The following HGF variants were observed in gnomAD, a reference collection of about 807,000 sequenced individuals.
The protein encoded by HGF is fibroblast-derived tumor cytotoxic factor.
A neutral mutation model predicts 111.6 loss-of-function variants in HGF; 39 were observed. That is an observed-to-expected ratio of 0.35 (90% CI 0.27 to 0.46). The LOEUF is 0.46. HGF is among the 20% of genes least tolerant of loss of function. The pLI is 1.00. For synonymous variants in HGF, 285 were observed against 294.8 expected (o/e 0.97, Z 0.34); for missense variants, 735 against 910.5 (o/e 0.81, Z 2.48).
chr7:81,755,412 T>C (rs535155675), intron 4 of HGF: 1 of 152,212 alleles, frequency 6.6e-6, no homozygotes, highest in African/African-American at 2.4e-5. Flanking sequence ...CAAAAAGGGA[T>C]TTTATTAATA....
intron 1 of HGF, among the ~76,000 whole-genome samples, chr7:81,764,859 C>T (rs1312308335): frequency 5.9e-5 from 9 of 151,724 alleles, no homozygotes; most frequent in African/African-American, 2.2e-4. Context: ...TTCCTTTGAC[C>T]TTATTACACT....
rs191824466 is a variant in HGF, at chr7:81,723,356, G to A, written c.1169-2509C>T. On this transcript the variant is annotated intron_variant, in intron 9 of 17. Coordinates refer to ENST00000222390, the MANE Select transcript of HGF (RefSeq NM_000601.6). ...TTAAATATTCAAAAACTAATATCCA[G>A]AAAGATGAAAATAAAGACAGAAATA... Among the ~76,000 whole-genome samples the A allele has an allele frequency of 2.6e-5, 4 of 151,998 alleles. No homozygotes were observed. In the East Asian group the frequency reaches 7.7e-4, roughly 29 times the overall value.
intron 5 of HGF, among the ~76,000 whole-genome samples, chr7:81,750,211 CT>C (rs1202254139): frequency 6.6e-6 from 1 of 151,996 alleles, no homozygotes; most frequent in Non-Finnish European, 1.5e-5. Context: ...TATTTTGGAT[CT>C]TTTTCATTAA....
intron 11 of HGF, among the ~76,000 whole-genome samples, chr7:81,712,729 T>C (rs893493529): frequency 6.6e-6 from 1 of 152,208 alleles, no homozygotes; most frequent in African/African-American, 2.4e-5. Flanking sequence ...TGTCAATCCC[T>C]GGAAATGCCC....
intron 12 of HGF, 77 bp downstream of exon 12, chr7:81,711,404 C>T: frequency 1.4e-6 from 1 of 732,942 alleles, no homozygotes; most frequent in South Asian, 2.2e-5. Context: ...AGATAATTTT[C>T]TTTGAAAGAA....
chr7:81,734,261 C>A (rs2115956360), intron 7 of HGF, among the ~76,000 whole-genome samples: 1 of 152,224 alleles, frequency 6.6e-6, no homozygotes, highest in Admixed American at 6.5e-5. Context: ...GGGGTATCAG[C>A]AGTGGCTACC....
chr7:81,743,597 G>GTT, intron 6 of HGF, 126 bp from the exon 7 acceptor site: 1 of 762,272 alleles, frequency 1.3e-6, no homozygotes. Flanking sequence ...CGTTTTCTAT[G>GTT]TTTTGCCTTA....
chr7:81,725,784 A>G (rs1054553161), intron 9 of HGF, 106 bp downstream of exon 9: 10 of 1,304,548 alleles, frequency 7.7e-6, no homozygotes, highest in Non-Finnish European at 1.1e-5. Context: ...GCAAGCCAGC[A>G]AAACCAGTGC....
chr7:81,716,309 A>C (rs923199898), intron 11 of HGF, among the ~76,000 whole-genome samples: 2 of 152,164 alleles, frequency 1.3e-5, no homozygotes, highest in Admixed American at 1.3e-4. Context: ...ATCCTGATCT[A>C]TGTCAACATT....
chr7:81,719,682 G>C (rs990042651), intron 10 of HGF, among the ~76,000 whole-genome samples: 1 of 152,098 alleles, frequency 6.6e-6, no homozygotes, highest in Admixed American at 6.6e-5. Context: ...GAATTTAACA[G>C]AACATATGTC....
intron 7 of HGF, among the ~76,000 whole-genome samples, chr7:81,736,108 G>A (rs1216513215): frequency 1.3e-5 from 2 of 152,044 alleles, no homozygotes; most frequent in African/African-American, 4.8e-5. Context: ...ATCTACCCAC[G>A]TCTCACTTCT....
At chr7:81,738,856 T>C (rs1231825466) in intron 7 of HGF, among the ~76,000 whole-genome samples, 4 of 152,148 alleles carry the variant, frequency 2.6e-5, no homozygotes, top group Non-Finnish European at 5.9e-5. Context: ...TGACATATAA[T>C]AGCTGCTCAG....
At chr7:81,728,256 A>C (rs1382443136) in intron 8 of HGF, among the ~76,000 whole-genome samples, 1 of 152,378 alleles carries the variant, frequency 6.6e-6, no homozygotes, top group African/African-American at 2.4e-5. Context: ...AACAAAATTA[A>C]GAAAAGATGG....
In HGF at chr7:81,702,625, A is replaced by T; in HGVS notation, c.2143T>A (p.Trp715Arg). 1 of 1,611,414 alleles carries T rather than the reference A, an allele frequency of 6.2e-7. No homozygotes were observed. Among genetic ancestry groups the T allele is most frequent in the Non-Finnish European group, 8.5e-7 (1 of 1,178,192 alleles). Residue 715 changes from tryptophan (W) to arginine (R), a missense_variant, in exon 18 of 18, where the codon TGG (tryptophan) becomes AGG (arginine). Coordinates refer to ENST00000222390, the MANE Select transcript of HGF (RefSeq NM_000601.6). ...IFVRVAYYAK[W>R]IHKIILTYKV... Reference sequence around the variant, plus strand: ...TATGTTAAAATAATTTTGTGTATCCATTTTGCATAATATGCTACTCGGACA... The same window carrying T: ...TATGTTAAAATAATTTTGTGTATCCTTTTTGCATAATATGCTACTCGGACA...
chr7:81,761,247 G>C (rs1789061335), intron 2 of HGF, among the ~76,000 whole-genome samples: 1 of 152,146 alleles, frequency 6.6e-6, no homozygotes, highest in South Asian at 2.1e-4. Flanking sequence ...GAATAAAACA[G>C]AATTATCATA....
At chr7:81,738,689 C>A (rs532184638) in intron 7 of HGF, among the ~76,000 whole-genome samples, 1 of 152,254 alleles carries the variant, frequency 6.6e-6, no homozygotes, top group Non-Finnish European at 1.5e-5. Flanking sequence ...GAGCAGTATT[C>A]AAACGTTGGC....
intron 3 of HGF, among the ~76,000 whole-genome samples, chr7:81,757,594 T>A (rs965622230): frequency 6.6e-6 from 1 of 152,188 alleles, no homozygotes; most frequent in Non-Finnish European, 1.5e-5. Flanking sequence ...CAAGCAATTA[T>A]GATTTGCTCA....
intron 5 of HGF, among the ~76,000 whole-genome samples, chr7:81,747,974 A>T (rs576953864): frequency 3.3e-4 from 50 of 152,172 alleles, no homozygotes; most frequent in Non-Finnish European, 6.3e-4. Context: ...ACAAATAAAT[A>T]TGAAAACATG....
At chr7:81,742,028 C>T (rs569067859) in intron 7 of HGF, among the ~76,000 whole-genome samples, 2 of 151,378 alleles carry the variant, frequency 1.3e-5, no homozygotes, top group East Asian at 3.9e-4. Context: ...TTTATTATAC[C>T]TAACTGGTGT....
Sources: allele counts gnomAD v4.1 joint callset (sites outside exome capture counted in the v4.1 genomes callset), GRCh38; gene constraint gnomAD v4.1.1; transcripts MANE v1.5; gene names NCBI Gene and HGNC (gene_info 2026-07-23, HGNC 2026-07-21).